ZFAND6: variants seen among roughly 807,000 people sequenced by gnomAD.
ZFAND6 encodes zinc finger AN1-type containing 6.
In ZFAND6, 12 loss-of-function variants were observed where a neutral mutation model predicts 24.5. The ratio of observed to expected loss-of-function variants is 0.49; its 90% CI spans 0.31 to 0.79. The LOEUF (loss-of-function observed/expected upper bound fraction) is 0.79. ZFAND6 is among the 30% of genes least tolerant of loss of function. The pLI, the probability that ZFAND6 is intolerant of heterozygous loss-of-function variation, is 0.04. For missense variants in ZFAND6, 207 were observed against 245.9 expected (o/e 0.84, Z 1.06); for synonymous variants, 92 against 81.5 (o/e 1.13, Z -0.69).
Position 80,131,201 on chromosome 15 carries a change from A to G in ZFAND6, c.386A>G (p.Gln129Arg), listed in dbSNP as rs764528844. ...TTAGCTTCAGTATCAGACACAGCAC[A>G]GCAGCCATCTGAAGAGCAAAGCAAG... is the stretch of plus-strand genomic sequence containing the variant. ...DVQASVSDTAQQPSEEQSKSL... is the reference protein window; with the variant it reads ...DVQASVSDTARQPSEEQSKSL... The change falls in exon 6 of 7, where the codon CAG becomes CGG. Residue 129 changes from glutamine (Q) to arginine (R), a missense_variant. Coordinates refer to ENST00000261749, the MANE Select transcript of ZFAND6 (RefSeq NM_019006.4). The G allele has an allele frequency of 5.4e-5, 87 of 1,609,188 alleles. No individual in the cohort carries two copies. The highest frequency in any genetic ancestry group is 7.0e-5 in the Non-Finnish European group (83 of 1,177,704).
At chr15:80,129,106 A>G (rs867312400) in intron 5 of ZFAND6, among the ~76,000 whole-genome samples, 15 of 152,228 alleles carry the variant, frequency 9.9e-5, no homozygotes, top group Non-Finnish European at 1.8e-4. Context: ...GTCCATATGC[A>G]TAGCCAGATA....
At chr15:80,098,943 C>G (rs530951084) in intron 2 of ZFAND6, among the ~76,000 whole-genome samples, 12 of 151,536 alleles carry the variant, frequency 7.9e-5, no homozygotes, top group African/African-American at 2.9e-4. Flanking sequence ...GACCAAACAA[C>G]CATAAAAAAA....
chr15:80,110,797 A>G (rs1443105978), intron 2 of ZFAND6, among the ~76,000 whole-genome samples: 2 of 152,158 alleles, frequency 1.3e-5, no homozygotes, highest in African/African-American at 4.8e-5. Context: ...GAAAAGCATT[A>G]ATCTTAACTC....
chr15:80,133,768 G>A (rs1030070047), intron 6 of ZFAND6, among the ~76,000 whole-genome samples: 2 of 152,140 alleles, frequency 1.3e-5, no homozygotes, highest in African/African-American at 4.8e-5. Context: ...ACTGTTTTGC[G>A]CAAATGCAGT....
chr15:80,078,017 GC>G (rs1294898219), intron 1 of ZFAND6, among the ~76,000 whole-genome samples: 3 of 151,946 alleles, frequency 2.0e-5, no homozygotes, highest in African/African-American at 7.3e-5. Context: ...TTTTAATGTG[GC>G]ATTATTTACT....
At chr15:80,074,192 T>C (rs1298471939) in intron 1 of ZFAND6, among the ~76,000 whole-genome samples, 2 of 152,036 alleles carry the variant, frequency 1.3e-5, no homozygotes, top group Middle Eastern at 3.4e-3. Context: ...TTCCAAGATG[T>C]AGATGGATAT....
intron 1 of ZFAND6, among the ~76,000 whole-genome samples, chr15:80,073,951 G>T (rs2037123024): frequency 6.6e-6 from 1 of 151,700 alleles, no homozygotes; most frequent in African/African-American, 2.4e-5. Flanking sequence ...TTTTAAAAAA[G>T]ATTTCTTTTG....
intron 4 of ZFAND6, among the ~76,000 whole-genome samples, chr15:80,122,312 A>T (rs139306593): frequency 1.3e-5 from 2 of 152,136 alleles, no homozygotes. Context: ...AGGAACCAAT[A>T]TATTAAGTTC....
chr15:80,121,771 C>A lies in ZFAND6; in HGVS notation c.214C>A (p.Pro72Thr). Residue 72 changes from proline (P) to threonine (T), a missense_variant, in exon 4 of 7, where the codon CCA (proline) becomes ACA (threonine). By Grantham distance (38) the Pro-to-Thr change is conservative (BLOSUM62 -1). This residue lies in a region of ZFAND6 where 133 missense variants were observed against 122.8 expected (regional missense o/e 1.08). Transcript: ENST00000261749. ...LPVQCTDGSV[P>T]EAQSALDSTS... ...AGTTCAATGCACAGATGGCAGTGTGCCAGAAGCCCAGTCAGCATTAGACTC... is the reference window on the plus strand; with the variant it reads ...AGTTCAATGCACAGATGGCAGTGTGACAGAAGCCCAGTCAGCATTAGACTC... The A allele has an allele frequency of 6.2e-7, 1 of 1,613,724 alleles. No individual in the cohort carries two copies. Among genetic ancestry groups the A allele is most frequent in the Non-Finnish European group, 8.5e-7 (1 of 1,179,804 alleles).
rs1174198711 is a variant in ZFAND6, at chr15:80,085,881, C to CT, written c.-180-12529dup. Among the ~76,000 whole-genome samples the CT allele has an allele frequency of 2.6e-5, 4 of 151,868 alleles. No homozygotes were observed. The South Asian group carries it at 6.2e-4, about 24-fold the overall frequency. On this transcript the variant is annotated intron_variant, in intron 1 of 6. Coordinates refer to ENST00000261749, the MANE Select transcript of ZFAND6 (RefSeq NM_019006.4). ...TTATAATACTGTATTTTTACTGTAC[C>CT]TTTTTTATGTTTAGATACACAGATA...
chr15:80,137,900 G>C lies in ZFAND6; in HGVS notation c.*272G>C, dbSNP rs1181101588. 1 of 256,682 alleles carries C rather than the reference G, an allele frequency of 3.9e-6. No homozygotes were observed. The highest frequency in any genetic ancestry group is 7.3e-6 in the Non-Finnish European group (1 of 137,088). 15.9% of individuals were successfully genotyped at this position (256,682 alleles called of 1,614,324 possible). A position where few individuals can be genotyped will look rare whatever the true frequency, so the allele number is the denominator to read the frequency against. On this transcript the variant is annotated 3_prime_UTR_variant, in exon 7 of 7. Coordinates refer to ENST00000261749, the MANE Select transcript of ZFAND6 (RefSeq NM_019006.4). The stretch of plus-strand genomic sequence containing the variant: ...AGAGGGCTTTTATAACAAACGTGCA[G>C]AAATTTTGGAGGGCTGTGATTTTTC...
intron 1 of ZFAND6, among the ~76,000 whole-genome samples, chr15:80,081,996 C>T (rs954841016): frequency 2.0e-5 from 3 of 152,138 alleles, no homozygotes; most frequent in Non-Finnish European, 4.4e-5. Flanking sequence ...ACACTAAAAG[C>T]TTTATTTACC....
chr15:80,116,648 C>T (rs1447806641), intron 2 of ZFAND6, among the ~76,000 whole-genome samples: 2 of 152,150 alleles, frequency 1.3e-5, no homozygotes, highest in Non-Finnish European at 2.9e-5. Flanking sequence ...TTTGATATTA[C>T]ACTAAAACTT....
chr15:80,136,568 A>C (rs2040876571), intron 6 of ZFAND6, among the ~76,000 whole-genome samples: 1 of 152,230 alleles, frequency 6.6e-6, no homozygotes, highest in African/African-American at 2.4e-5. Context: ...CAGTCTGTCT[A>C]ATACAGTGCT....
intron 1 of ZFAND6, chr15:80,060,319 C>G (rs892518098): frequency 6.6e-6 from 1 of 152,208 alleles, no homozygotes; most frequent in African/African-American, 2.4e-5. Flanking sequence ...GTGTCTCCAA[C>G]TCCTGACTGG....
rs1322381897 is a variant in ZFAND6, at chr15:80,080,022, A to G, written c.-180-18394A>G. 2.1e-5 allele frequency among the ~76,000 whole-genome samples: 3 copies of G among 145,210 alleles called. 1 individual carries two copies. Among genetic ancestry groups the G allele is most frequent in the African/African-American group, 5.1e-5 (2 of 38,998 alleles). The stretch of plus-strand genomic sequence containing the variant: ...CCTTTCTTTTTTTTTTCTTTGAGAT[A>G]GAGTCTTGCTCACCCACCCAGGCTG... On this transcript the variant is annotated intron_variant, in intron 1 of 6. Coordinates refer to ENST00000261749, the MANE Select transcript of ZFAND6 (RefSeq NM_019006.4).
intron 2 of ZFAND6, among the ~76,000 whole-genome samples, chr15:80,101,501 C>G (rs1449524990): frequency 6.6e-6 from 1 of 152,094 alleles, no homozygotes; most frequent in South Asian, 2.1e-4. Context: ...CCCCTGCCTT[C>G]CTGTCTCAAT....
At chr15:80,095,318 T>C (rs185082284) in intron 1 of ZFAND6, among the ~76,000 whole-genome samples, 1 of 152,240 alleles carries the variant, frequency 6.6e-6, no homozygotes, top group Non-Finnish European at 1.5e-5. Context: ...GTTACACTTG[T>C]GTGCTTTTCA....
At chr15:80,105,658 T>C (rs1252306031) in intron 2 of ZFAND6, among the ~76,000 whole-genome samples, 4 of 152,226 alleles carry the variant, frequency 2.6e-5, no homozygotes, top group Non-Finnish European at 4.4e-5. Context: ...TAAGCACTTA[T>C]CTAAGTAGGA....
Sources: gnomAD v4.1 joint callset for allele counts (sites outside exome capture counted in the v4.1 genomes callset) on GRCh38, gnomAD v4.1.1 for gene constraint, gnomAD v4.1.1 regional missense constraint, MANE v1.5 for transcripts, NCBI Gene and HGNC (gene_info 2026-07-23, HGNC 2026-07-21) for gene names.